The following NOS1 variants were observed in gnomAD, a reference collection of about 807,000 sequenced individuals.
The protein encoded by NOS1 is NOS type I.
In NOS1, 51 loss-of-function variants were observed where a neutral mutation model predicts 164.5. The observed-to-expected ratio is 0.31, with a 90% CI of 0.25 to 0.39. The LOEUF (loss-of-function observed/expected upper bound fraction) is 0.39, where lower values mean the gene tolerates loss of function less well. NOS1 is among the 10% of genes least tolerant of loss of function. The pLI is 1.00. For synonymous variants in NOS1, 719 were observed against 745.8 expected, an observed-to-expected ratio of 0.96 and a Z score of 0.59; for missense variants, 1,362 against 1,885.6, an observed-to-expected ratio of 0.72 and a Z score of 5.14.
At chr12:117,277,602 G>GAAAGAA (rs938074453) in intron 9 of NOS1, among the ~76,000 whole-genome samples, 6 of 151,752 alleles carry the variant, frequency 4.0e-5, no homozygotes, top group Non-Finnish European at 8.8e-5. Context: ...TCAAAAAAAA[G>GAAAGAA]AAAGAAAAAG....
At chr12:117,252,820 A>C (rs1196898547) in intron 17 of NOS1, among the ~76,000 whole-genome samples, 1 of 152,224 alleles carries the variant, frequency 6.6e-6, no homozygotes, top group Non-Finnish European at 1.5e-5. Context: ...CATTGCTCTG[A>C]GTAATTACGG....
In NOS1 at chr12:117,290,425, G is replaced by A; in HGVS notation, c.854C>T (p.Pro285Leu). ...GGGGGACTGTTTTCCTGAGGTGGGG[G>A]GCTGCAGGAGAGAATGAAGGTGGAA... ...LNNPYSEKEQPPTSGKQSPTK... is the reference protein window; with the variant it reads ...LNNPYSEKEQLPTSGKQSPTK... Residue 285 changes from proline (P) to leucine (L), a missense_variant and splice_region_variant, in exon 4 of 29, where the codon CCC becomes CTC. By Grantham distance (98) the Pro-to-Leu change is moderately conservative. Transcript: ENST00000317775. 6.2e-7 allele frequency: 1 copy of A among 1,610,642 alleles called. No individual in the cohort carries two copies. Among genetic ancestry groups the A allele is most frequent in the South Asian group, 1.1e-5 (1 of 90,608 alleles).
intron 10 of NOS1, among the ~76,000 whole-genome samples, chr12:117,271,434 T>C (rs1392051528): frequency 1.3e-5 from 2 of 152,290 alleles, no homozygotes; most frequent in African/African-American, 2.4e-5. Flanking sequence ...CAAGCCATCA[T>C]GCCTGGCTAA....
At chr12:117,337,891 C>A (rs901933884) in intron 1 of NOS1, among the ~76,000 whole-genome samples, 1 of 152,010 alleles carries the variant, frequency 6.6e-6, no homozygotes, top group African/African-American at 2.4e-5. Flanking sequence ...TCAGCCTGTG[C>A]AACATAGTGA....
chr12:117,242,901 C>G lies in NOS1; in HGVS notation c.2963-196G>C, dbSNP rs1870301748. Among the ~76,000 whole-genome samples, 4 of 152,200 alleles carry G rather than the reference C, an allele frequency of 2.6e-5. No homozygotes were observed. In the South Asian group the frequency reaches 8.3e-4, roughly 32 times the overall value. ...TCTTGTCTCAGAATATTAATACAAA[C>G]AAACACTCTGCAGCATTGTATTCAC... On this transcript the variant is annotated intron_variant, in intron 19 of 28. Transcript: ENST00000317775.
intron 20 of NOS1, among the ~76,000 whole-genome samples, chr12:117,237,964 T>C (rs577688513): frequency 6.6e-6 from 1 of 152,262 alleles, no homozygotes; most frequent in African/African-American, 2.4e-5. Context: ...CTCTGGCGAT[T>C]TGACACTTAA....
At chr12:117,233,012 C>T (rs1340420464) in intron 21 of NOS1, among the ~76,000 whole-genome samples, 3 of 147,256 alleles carry the variant, frequency 2.0e-5, no homozygotes, top group Admixed American at 6.9e-5. Context: ...GGACTACAGA[C>T]GTGTGCCATC....
chr12:117,219,519 C>G (rs186720661), intron 27 of NOS1, among the ~76,000 whole-genome samples: 27 of 152,192 alleles, frequency 1.8e-4, no homozygotes, highest in African/African-American at 5.5e-4. Flanking sequence ...GTTAGTCAGG[C>G]TGGTCTTGAA....
intron 12 of NOS1, 92 bp from the exon 13 acceptor site, chr12:117,264,066 C>T (rs1291108224): frequency 7.4e-6 from 6 of 810,120 alleles, no homozygotes; most frequent in African/African-American, 3.6e-5. Context: ...GGACTTGTGA[C>T]TGCCTGACCC....
chr12:117,225,770 C>A (rs567704385), intron 24 of NOS1, among the ~76,000 whole-genome samples: 4 of 152,234 alleles, frequency 2.6e-5, no homozygotes, highest in African/African-American at 9.6e-5. Context: ...GGATTACAGG[C>A]ACCCGCCACC....
At chr12:117,227,675 A>C (rs746407328) in intron 22 of NOS1, 34 bp from the exon 23 acceptor site, 1 of 1,607,036 alleles carries the variant, frequency 6.2e-7, no homozygotes, top group South Asian at 1.1e-5. Context: ...ACAAGCTTGA[A>C]CCCAGCTGCC....
At chr12:117,321,102 C>T (rs1424861983) in intron 2 of NOS1, among the ~76,000 whole-genome samples, 4 of 152,150 alleles carry the variant, frequency 2.6e-5, no homozygotes, top group East Asian at 1.9e-4. Flanking sequence ...CTCTGCCTCC[C>T]GAGTTCAAGC....
chr12:117,315,057 T>C (rs947134973), intron 2 of NOS1, among the ~76,000 whole-genome samples: 1 of 152,238 alleles, frequency 6.6e-6, no homozygotes, highest in African/African-American at 2.4e-5. Flanking sequence ...GTTCATCTTA[T>C]GTGAATTTGA....
chr12:117,279,987 C>T (rs1055016572), intron 8 of NOS1, among the ~76,000 whole-genome samples: 3 of 152,108 alleles, frequency 2.0e-5, no homozygotes, highest in African/African-American at 4.8e-5. Flanking sequence ...TGAAATTCAG[C>T]GGGGTATTAT....
chr12:117,299,500 G>A (rs961860791), intron 3 of NOS1, among the ~76,000 whole-genome samples: 23 of 152,036 alleles, frequency 1.5e-4, no homozygotes, highest in African/African-American at 4.6e-4. Flanking sequence ...CTAGCCGGGC[G>A]TGGTGGCGGG....
intron 3 of NOS1, among the ~76,000 whole-genome samples, chr12:117,310,759 C>T (rs1165632760): frequency 6.6e-6 from 1 of 152,174 alleles, no homozygotes; most frequent in Non-Finnish European, 1.5e-5. Context: ...ATCCTCCTGC[C>T]TCAGTCGCCT....
intron 9 of NOS1, among the ~76,000 whole-genome samples, chr12:117,273,151 C>T (rs1370344070): frequency 6.6e-6 from 1 of 152,188 alleles, no homozygotes; most frequent in African/African-American, 2.4e-5. Context: ...AGGCACCATA[C>T]ATTTCCTTTG....
intron 3 of NOS1, among the ~76,000 whole-genome samples, chr12:117,295,829 A>T (rs1873380993): frequency 6.6e-6 from 1 of 150,430 alleles, no homozygotes; most frequent in African/African-American, 2.5e-5. Flanking sequence ...AGGTTTCACC[A>T]TGTTGGCCAG....
In NOS1 at chr12:117,290,410, T is replaced by C. The variant is rs764624751; in HGVS notation, c.869A>G (p.Lys290Arg). 7 of 1,612,702 alleles carry C rather than the reference T, an allele frequency of 4.3e-6. No homozygotes were observed. The African/African-American group carries it at 8.0e-5, about 18-fold the overall frequency. The change falls in exon 4 of 29, where the codon AAA becomes AGA. Residue 290 changes from lysine to arginine, a missense_variant. Lys to Arg is a conservative substitution (Grantham distance 26). Around this residue, in one of 4 missense-constraint regions of NOS1, gnomAD observed 362 missense variants for 402.0 expected, o/e 0.90. Transcript: ENST00000317775. ...GCTGCCATTCTTTGTGGGGGACTGT[T>C]TTCCTGAGGTGGGGGGCTGCAGGAG... The part of the protein sequence containing the change: ...SEKEQPPTSG[K>R]QSPTKNGSPS...
Sources: allele counts gnomAD v4.1 joint callset (sites outside exome capture counted in the v4.1 genomes callset), GRCh38; gene constraint gnomAD v4.1.1; regional missense constraint gnomAD v4.1.1; transcripts MANE v1.5; gene names NCBI Gene and HGNC (gene_info 2026-07-23, HGNC 2026-07-21).